The following NIBAN3 variants were observed in gnomAD, a reference collection of about 807,000 sequenced individuals.
The protein encoded by NIBAN3 is protein Niban 3.
In NIBAN3, 66 loss-of-function variants were observed where a neutral mutation model predicts 76.4. The ratio of observed to expected loss-of-function variants is 0.86; its 90% CI spans 0.71 to 1.06. The LOEUF (loss-of-function observed/expected upper bound fraction) is 1.06. Among genes scored for constraint, NIBAN3 ranks in the 50% least tolerant of loss-of-function variants. The pLI, the probability that NIBAN3 is intolerant of heterozygous loss-of-function variation, is 0.00. For missense variants in NIBAN3, 808 were observed against 810.7 expected (o/e 1.00, Z 0.04); for synonymous variants, 360 against 355.2 (o/e 1.01, Z -0.15).
chr19:17,543,031 G>A (rs1402046877), intron 10 of NIBAN3, among the ~76,000 whole-genome samples: 1 of 152,200 alleles, frequency 6.6e-6, no homozygotes, highest in Non-Finnish European at 1.5e-5. Context: ...ACTCAGTGGA[G>A]GAGGCTGAAC....
chr19:17,544,993 C>A (rs1035190778), intron 12 of NIBAN3, among the ~76,000 whole-genome samples: 4 of 151,734 alleles, frequency 2.6e-5, no homozygotes, highest in African/African-American at 9.7e-5. Context: ...TGAGACCCCA[C>A]CTCTACAAAA....
upstream of NIBAN3, chr19:17,523,525 G>A (rs569826309): frequency 1.7e-5 from 24 of 1,393,240 alleles, 1 homozygote; most frequent in South Asian, 8.9e-5. Context: ...GCAGGAGGCC[G>A]TGGCCCCCAG....
At chr19:17,543,977 GTGAAACT>G (rs2076004319) in intron 12 of NIBAN3, 1 of 151,500 alleles carries the variant, frequency 6.6e-6, no homozygotes, top group African/African-American at 2.6e-5. Flanking sequence ...GGGCGACAGA[GTGAAACT>G]CAGTCTCAAA....
In NIBAN3 at chr19:17,542,435, A is replaced by T; in HGVS notation, c.1329+141A>T. 1.1e-6 allele frequency: 1 copy of T among 882,436 alleles called. No individual in the cohort carries two copies. Among genetic ancestry groups the T allele is most frequent in the Non-Finnish European group, 1.7e-6 (1 of 590,670 alleles). The allele number at this position is 882,436 out of a possible 1,614,324, so 54.7% of individuals were successfully genotyped here. A position where few individuals can be genotyped will look rare whatever the true frequency, so the allele number is the denominator to read the frequency against. Reference sequence around the variant, plus strand: ...AGTCTCATGGGGACATGAGCCCGTGACCAGGCAGCAGCCACATGTGGTGGA... The same window carrying T: ...AGTCTCATGGGGACATGAGCCCGTGTCCAGGCAGCAGCCACATGTGGTGGA... On this transcript the variant is annotated intron_variant, in intron 10 of 14. Transcript: ENST00000599164. This position sits in a 1 kb window ranked among gnomAD's most constrained non-coding sequence, Gnocchi z 4.8.
intron 4 of NIBAN3, among the ~76,000 whole-genome samples, chr19:17,536,929 G>T (rs370129953): frequency 5.3e-5 from 8 of 152,082 alleles, no homozygotes; most frequent in African/African-American, 1.9e-4. Flanking sequence ...TTGAGCTCAG[G>T]AGTTCAAGAC....
chr19:17,532,797 C>G (rs1449801338), intron 3 of NIBAN3, among the ~76,000 whole-genome samples: 2 of 152,038 alleles, frequency 1.3e-5, no homozygotes, highest in African/African-American at 2.4e-5. Context: ...GGTCCTCAGA[C>G]AGCACTTGGG....
At chr19:17,527,263 A>G, upstream of NIBAN3, 2 of 1,550,264 alleles carry the variant, frequency 1.3e-6, no homozygotes, top group Non-Finnish European at 1.7e-6. Flanking sequence ...CTCACCCGCC[A>G]TCCAGGTGCC....
At position 17,533,640 on chromosome 19, in the gene NIBAN3, G is replaced by C; in HGVS notation, c.366G>C (p.Thr122=). Residue 122 remains threonine, a synonymous_variant, in exon 4 of 15, where the codon ACG becomes ACC. Transcript: ENST00000599164. The part of the protein sequence containing the change: ...CLGSTALTGY[T]LLTSQREYLR... ...GCTCAACAGCCCTGACAGGATACACGCTCCTGACTTCCCAGCGAGAATATC... is the reference window on the plus strand; with the variant it reads ...GCTCAACAGCCCTGACAGGATACACCCTCCTGACTTCCCAGCGAGAATATC... 6.2e-7 allele frequency: 1 copy of C among 1,614,102 alleles called. No individual in the cohort carries two copies. The highest frequency in any genetic ancestry group is 1.1e-5 in the South Asian group (1 of 91,074).
intron 4 of NIBAN3, among the ~76,000 whole-genome samples, chr19:17,536,662 CCAA>C (rs2075829692): frequency 6.6e-6 from 1 of 152,206 alleles, no homozygotes; most frequent in Non-Finnish European, 1.5e-5. Flanking sequence ...ACTTCAGCCT[CCAA>C]AGGTGCTGGG....
Position 17,553,482 on chromosome 19 carries a change from G to T in NIBAN3, c.*1584G>T. On this transcript the variant is annotated 3_prime_UTR_variant, in exon 15 of 15. Transcript: ENST00000599164. ...GGGATTCCCGTGTGTTCTTGGTTCA[G>T]CTTGCAGAGGGACTTTCACACTCCC... 6.2e-7 allele frequency: 1 copy of T among 1,614,188 alleles called. No individual in the cohort carries two copies. Among genetic ancestry groups the T allele is most frequent in the Non-Finnish European group, 8.5e-7 (1 of 1,180,042 alleles).
chr19:17,525,634 GT>G (rs1350953474), upstream of NIBAN3, among the ~76,000 whole-genome samples: 2 of 152,162 alleles, frequency 1.3e-5, no homozygotes, highest in Non-Finnish European at 2.9e-5. Flanking sequence ...GACCGCGGGG[GT>G]CAGAGGGACA....
chr19:17,537,616 C>T (rs775363732), intron 5 of NIBAN3, 73 bp downstream of exon 5: 70 of 1,408,320 alleles, frequency 5.0e-5, no homozygotes, highest in South Asian at 1.4e-4. Flanking sequence ...TCTGTTGGCT[C>T]GGGACCTCTC....
chr19:17,549,594 A>C, intron 14 of NIBAN3, 67 bp downstream of exon 14: 1 of 1,164,910 alleles, frequency 8.6e-7, no homozygotes, highest in Admixed American at 1.7e-5. Context: ...GGAGGCCCAC[A>C]TGGGGTGTAT....
chr19:17,527,725 G>T (rs1447197676), intron 1 of NIBAN3, among the ~76,000 whole-genome samples: 1 of 151,294 alleles, frequency 6.6e-6, no homozygotes, highest in African/African-American at 2.4e-5. Flanking sequence ...TATTTCATTG[G>T]TTGTTTTTTT....
At chr19:17,525,335 C>A (rs1035108165), upstream of NIBAN3, among the ~76,000 whole-genome samples, 465 of 150,986 alleles carry the variant, frequency 3.1e-3, 3 homozygotes, top group African/African-American at 0.011. Flanking sequence ...CCGTCCCTCC[C>A]TTCATTCATT....
Position 17,539,810 on chromosome 19 carries a change from G to A in NIBAN3, c.979+45G>A, listed in dbSNP as rs914723673. ...CCTGGGCTGGGAGGGGCGAGGCGATGCTGGGGAAAAAGGGGCGTGACCTAA... is the reference window on the plus strand; with the variant it reads ...CCTGGGCTGGGAGGGGCGAGGCGATACTGGGGAAAAAGGGGCGTGACCTAA... On this transcript the variant is annotated intron_variant, in intron 8 of 14. Transcript: ENST00000599164. The A allele has an allele frequency of 7.7e-6, 11 of 1,434,198 alleles. No individual in the cohort carries two copies. The African/African-American group carries it at 1.4e-4, about 19-fold the overall frequency. 88.8% of individuals were successfully genotyped at this position (1,434,198 alleles called of 1,614,324 possible).
At chr19:17,523,807 C>T (rs2075580044), upstream of NIBAN3, among the ~76,000 whole-genome samples, 1 of 152,194 alleles carries the variant, frequency 6.6e-6, no homozygotes, top group South Asian at 2.1e-4. Flanking sequence ...CCGCTGAGCA[C>T]ATTCCCACCC....
chr19:17,540,003 A>T (rs1007956821), intron 8 of NIBAN3: 4 of 490,178 alleles, frequency 8.2e-6, no homozygotes, highest in Non-Finnish European at 1.4e-5. Context: ...GTCTGTCCGG[A>T]GGAAACCAGG....
At chr19:17,544,533 T>A (rs1225007310) in intron 12 of NIBAN3, among the ~76,000 whole-genome samples, 1 of 152,156 alleles carries the variant, frequency 6.6e-6, no homozygotes, top group East Asian at 1.9e-4. Flanking sequence ...TCAGGAAGGA[T>A]GTCCCTGTGA....
Sources: gnomAD v4.1 joint callset for allele counts (sites outside exome capture counted in the v4.1 genomes callset) on GRCh38, gnomAD v4.1.1 for gene constraint, Gnocchi (gnomAD v3.1) non-coding constraint, MANE v1.5 for transcripts, NCBI Gene and HGNC (gene_info 2026-07-23, HGNC 2026-07-21) for gene names.